The following CSMD1 variants were observed in gnomAD, a reference collection of about 807,000 sequenced individuals.
CSMD1 encodes CUB and sushi domain-containing protein 1.
In CSMD1, 213 loss-of-function variants were observed where a neutral mutation model predicts 417.5. That is an observed-to-expected ratio of 0.51 (90% CI 0.46 to 0.57). CSMD1 has a LOEUF of 0.57. Ranked by LOEUF, CSMD1 falls within the 20% of genes least tolerant of loss-of-function variation. The pLI is 0.00. For synonymous variants in CSMD1, 2,862 were observed against 1,736.8 expected, an observed-to-expected ratio of 1.65 and a Z score of -16.11; for missense variants, 6,923 against 4,529.7, an observed-to-expected ratio of 1.53 and a Z score of -15.17.
At chr8:4,068,702 T>C (rs1253753703) in intron 3 of CSMD1, among the ~76,000 whole-genome samples, 2 of 152,138 alleles carry the variant, frequency 1.3e-5, no homozygotes, top group Non-Finnish European at 2.9e-5. Context: ...TCAAGATATC[T>C]AGTGGGGAAA....
chr8:3,965,408 G>A (rs1001458120), intron 5 of CSMD1, among the ~76,000 whole-genome samples: 9 of 152,196 alleles, frequency 5.9e-5, no homozygotes, highest in Middle Eastern at 3.4e-3. Context: ...TTAGAGACAT[G>A]GTTTTCGTGA....
chr8:3,522,389 A>G (rs2117457569), intron 10 of CSMD1, among the ~76,000 whole-genome samples: 1 of 152,290 alleles, frequency 6.6e-6, no homozygotes, highest in African/African-American at 2.4e-5. Flanking sequence ...AAAAATATAT[A>G]TTGTTTCCAT....
chr8:3,316,191 C>A (rs1033539339), intron 23 of CSMD1, among the ~76,000 whole-genome samples: 1 of 152,098 alleles, frequency 6.6e-6, no homozygotes, highest in East Asian at 1.9e-4. Flanking sequence ...CTAACTTGTA[C>A]AAGGTGGTAA....
At chr8:4,233,391 G>C (rs540106750) in intron 3 of CSMD1, among the ~76,000 whole-genome samples, 1 of 152,234 alleles carries the variant, frequency 6.6e-6, no homozygotes, top group South Asian at 2.1e-4. Context: ...TGTTCTGAAA[G>C]TGTTTTCCAC....
chr8:3,556,412 T>TATATATATATATAC (rs1357519830), intron 10 of CSMD1, among the ~76,000 whole-genome samples: 1 of 134,622 alleles, frequency 7.4e-6, no homozygotes. Flanking sequence ...TATATATATA[T>TATATATATATATAC]ATTCACACAC....
chr8:3,100,705 G>A (rs1304108771), intron 46 of CSMD1, among the ~76,000 whole-genome samples: 2 of 152,150 alleles, frequency 1.3e-5, no homozygotes, highest in African/African-American at 4.8e-5. Context: ...TAAAATGTGA[G>A]GCTTAAAACC....
chr8:4,267,893 T>G (rs1176697514), intron 3 of CSMD1, among the ~76,000 whole-genome samples: 1 of 152,130 alleles, frequency 6.6e-6, no homozygotes, highest in African/African-American at 2.4e-5. Flanking sequence ...TTTTAAACAC[T>G]GTAATGACTG....
At chr8:3,476,929 A>G (rs1817464056) in intron 11 of CSMD1, among the ~76,000 whole-genome samples, 1 of 151,160 alleles carries the variant, frequency 6.6e-6, no homozygotes, top group South Asian at 2.1e-4. Context: ...AAAAAAAAAA[A>G]AAATGTGAAT....
chr8:4,334,327 G>A (rs999577016), intron 3 of CSMD1, among the ~76,000 whole-genome samples: 2 of 152,144 alleles, frequency 1.3e-5, no homozygotes, highest in African/African-American at 4.8e-5. Context: ...ATTTGTGGAT[G>A]TGAATGACAT....
chr8:3,762,841 G>A (rs1274321449), intron 5 of CSMD1, among the ~76,000 whole-genome samples: 1 of 152,204 alleles, frequency 6.6e-6, no homozygotes, highest in Non-Finnish European at 1.5e-5. Context: ...AGCTGCCAGA[G>A]TAAGCAGCCG....
At chr8:4,000,828 T>C (rs1035780609) in intron 4 of CSMD1, among the ~76,000 whole-genome samples, 5 of 152,046 alleles carry the variant, frequency 3.3e-5, no homozygotes, top group African/African-American at 1.2e-4. Flanking sequence ...TAAACACAGA[T>C]GCAGAAGAAA....
intron 3 of CSMD1, among the ~76,000 whole-genome samples, chr8:4,046,204 A>G (rs1298611607): frequency 6.6e-6 from 1 of 152,178 alleles, no homozygotes; most frequent in Non-Finnish European, 1.5e-5. Flanking sequence ...GTGTGTAGAA[A>G]ATAATAAAAG....
At chr8:3,224,908 GTT>G (rs1253053600) in intron 27 of CSMD1, among the ~76,000 whole-genome samples, 9 of 152,204 alleles carry the variant, frequency 5.9e-5, no homozygotes, top group Non-Finnish European at 8.8e-5. Context: ...ACTATGCTGA[GTT>G]TAAAAGTTGT....
At chr8:4,864,710 T>C (rs182617033) in intron 1 of CSMD1, among the ~76,000 whole-genome samples, 1 of 151,828 alleles carries the variant, frequency 6.6e-6, no homozygotes, top group Admixed American at 6.6e-5. Context: ...AGAAACTACC[T>C]TTGAATTTTA....
chr8:4,045,385 C>A (rs1306945985), intron 3 of CSMD1, among the ~76,000 whole-genome samples: 5 of 152,146 alleles, frequency 3.3e-5, no homozygotes, highest in Non-Finnish European at 7.4e-5. Context: ...TCATTTAAAA[C>A]AGTGCTACAT....
At chr8:4,709,885 G>A (rs555215471) in intron 1 of CSMD1, among the ~76,000 whole-genome samples, 2 of 152,246 alleles carry the variant, frequency 1.3e-5, no homozygotes, top group East Asian at 3.9e-4. Flanking sequence ...AACGTTTAAA[G>A]TAAACACATC....
chr8:3,515,438 A>G (rs1228761424), intron 10 of CSMD1: 1 of 152,220 alleles, frequency 6.6e-6, no homozygotes, highest in African/African-American at 2.4e-5. Context: ...AAATTTGCTA[A>G]CTAGAGATTT....
intron 1 of CSMD1, among the ~76,000 whole-genome samples, chr8:4,872,543 A>T (rs898444202): frequency 6.6e-6 from 1 of 151,984 alleles, no homozygotes; most frequent in African/African-American, 2.4e-5. Flanking sequence ...AAGTTTCCTG[A>T]GGCTTCCCCA....
chr8:3,240,834 G>T (rs570426302), intron 26 of CSMD1, among the ~76,000 whole-genome samples: 56 of 152,138 alleles, frequency 3.7e-4, no homozygotes, highest in Non-Finnish European at 5.6e-4. Context: ...TGTAAGGCTT[G>T]TCTGGTTCTA....
Sources: gnomAD v4.1 joint callset for allele counts (sites outside exome capture counted in the v4.1 genomes callset) on GRCh38, gnomAD v4.1.1 for gene constraint, MANE v1.5 for transcripts, NCBI Gene and HGNC (gene_info 2026-07-23, HGNC 2026-07-21) for gene names.